Variants in NOL10 observed in about 807,000 individuals in gnomAD.
The protein encoded by NOL10 is nucleolar protein 10.
In NOL10, 58 loss-of-function variants were observed where a neutral mutation model predicts 103.5. The ratio of observed to expected loss-of-function variants is 0.56; its 90% CI spans 0.45 to 0.70. The LOEUF is 0.70. Ranked by LOEUF, NOL10 falls within the 30% of genes least tolerant of loss-of-function variation. The pLI, the probability that NOL10 is intolerant of heterozygous loss-of-function variation, is 0.00. For synonymous variants in NOL10, 287 were observed against 282.5 expected (o/e 1.02, Z -0.16); for missense variants, 763 against 807.3 (o/e 0.95, Z 0.67).
chr2:10,671,643 T>G lies in NOL10; in HGVS notation c.375A>C (p.Ser125=), dbSNP rs748220278. ...GTATTCTGGTTTTGTAGTAAAAACC[T>G]GATTGCGAATGAAATTCAATGTATC... The part of the protein sequence containing the change: ...NDRYIEFHSQ[S]GFYYKTRIPK... The change falls in exon 6 of 21, where the codon TCA becomes TCC. Residue 125 remains serine (S), a synonymous_variant. Transcript: ENST00000381685. 1.3e-6 allele frequency: 2 copies of G among 1,580,478 alleles called. No individual in the cohort carries two copies. The highest frequency in any genetic ancestry group is 2.3e-5 in the South Asian group (2 of 86,982).
At chr2:10,635,940 C>A (rs1282972157) in intron 13 of NOL10, among the ~76,000 whole-genome samples, 9 of 152,182 alleles carry the variant, frequency 5.9e-5, no homozygotes, top group African/African-American at 1.9e-4. Flanking sequence ...GGCTGGAGTG[C>A]GGTAGCACGA....
At chr2:10,616,292 G>A (rs1240051514) in intron 13 of NOL10, among the ~76,000 whole-genome samples, 5 of 145,100 alleles carry the variant, frequency 3.4e-5, no homozygotes, top group East Asian at 2.0e-4. Flanking sequence ...GCAGTGGTGC[G>A]ATCTCGGCTC....
rs77723934 is a variant in NOL10 at position 10,595,144 on chromosome 2, C to CAGAGAG, written c.1423-5399_1423-5394dup. ...GCAAGAGGGAGGGAGGGGGAGGGGG[C>CAGAGAG]AGAGAGAGAGAGAGAGAGAGAGAGA... On this transcript the variant is annotated intron_variant, in intron 17 of 20. Transcript: ENST00000381685. Among the ~76,000 whole-genome samples the CAGAGAG allele has an allele frequency of 3.6e-3, 451 of 124,220 alleles. 5 individuals are homozygous for CAGAGAG. The highest frequency in any genetic ancestry group is 9.4e-3 in the Middle Eastern group (2 of 212). The allele number at this position is 124,220 out of a possible 152,430, so 81.5% of individuals were successfully genotyped here.
At chr2:10,633,370 C>G (rs1181760122) in intron 13 of NOL10, among the ~76,000 whole-genome samples, 1 of 151,520 alleles carries the variant, frequency 6.6e-6, no homozygotes, top group Non-Finnish European at 1.5e-5. Flanking sequence ...TTTTAAATTT[C>G]TTATCTAATA....
intron 13 of NOL10, among the ~76,000 whole-genome samples, chr2:10,616,768 T>C (rs1362169274): frequency 6.6e-6 from 1 of 150,470 alleles, no homozygotes; most frequent in African/African-American, 2.4e-5. Context: ...AGGCTGGTCT[T>C]GAACTCCTGA....
rs539733755 is a variant in NOL10, at chr2:10,572,022, T to G, written c.*49A>C. ...GTTTAACACCCTAACGATGATCAGTTTGGGGGAGACGTACCCCTCCCTAAT... is the reference window on the plus strand; with the variant it reads ...GTTTAACACCCTAACGATGATCAGTGTGGGGGAGACGTACCCCTCCCTAAT... On this transcript the variant is annotated 3_prime_UTR_variant, in exon 21 of 21. Transcript: ENST00000381685. 1 of 1,604,580 alleles carries G rather than the reference T, an allele frequency of 6.2e-7. No individual in the cohort carries two copies. The highest frequency in any genetic ancestry group is 1.3e-5 in the African/African-American group (1 of 74,736).
intron 1 of NOL10, among the ~76,000 whole-genome samples, chr2:10,685,861 C>T (rs1045127424): frequency 6.6e-6 from 1 of 150,682 alleles, no homozygotes; most frequent in Non-Finnish European, 1.5e-5. Flanking sequence ...CCCAGGAGTT[C>T]GAGACCAGCC....
In NOL10 at chr2:10,602,364, G is replaced by C. The variant is rs571031874; in HGVS notation, c.1332+412C>G. The stretch of plus-strand genomic sequence containing the variant: ...ACATTAAATTCTATGTACTCAGACA[G>C]AGAGTGCAGTTTACGACTGTCGACC... On this transcript the variant is annotated intron_variant, in intron 16 of 20. Coordinates refer to ENST00000381685, the MANE Select transcript of NOL10 (RefSeq NM_024894.4). 2.0e-5 allele frequency among the ~76,000 whole-genome samples: 3 copies of C among 152,340 alleles called. No individual in the cohort carries two copies. In the South Asian group the frequency reaches 6.2e-4, roughly 32 times the overall value.
intron 12 of NOL10, among the ~76,000 whole-genome samples, chr2:10,650,209 T>C (rs915882979): frequency 1.3e-5 from 2 of 152,024 alleles, no homozygotes; most frequent in Non-Finnish European, 2.9e-5. Flanking sequence ...CAGGCAAGAG[T>C]ACAGTTAGTT....
At chr2:10,618,591 A>AT (rs1443631675) in intron 13 of NOL10, among the ~76,000 whole-genome samples, 14 of 152,056 alleles carry the variant, frequency 9.2e-5, no homozygotes, top group East Asian at 1.9e-4. Flanking sequence ...TTGTATTTTT[A>AT]TTTTTTTGTA....
At chr2:10,667,306 T>C (rs775666107) in intron 7 of NOL10, 28 bp from the exon 8 acceptor site, 4 of 1,504,350 alleles carry the variant, frequency 2.7e-6, no homozygotes, top group Non-Finnish European at 2.7e-6. Context: ...TAAGAAAGAA[T>C]GAATTAGTTA....
chr2:10,645,944 T>TACACACACAC lies in NOL10; in HGVS notation c.974-1582_974-1573dup, dbSNP rs57494359. 3.7e-3 allele frequency among the ~76,000 whole-genome samples: 549 copies of TACACACACAC among 147,674 alleles called. 3 individuals are homozygous for TACACACACAC. Among genetic ancestry groups the TACACACACAC allele is most frequent in the African/African-American group, 0.013 (507 of 40,422 alleles). ...TGCACACAAAACACACACACACACA[T>TACACACACAC]ACACACACACACACACACACACACC... is the stretch of plus-strand genomic sequence containing the variant. On this transcript the variant is annotated intron_variant, in intron 12 of 20. Coordinates refer to ENST00000381685, the MANE Select transcript of NOL10 (RefSeq NM_024894.4).
chr2:10,668,659 C>A lies in NOL10; in HGVS notation c.529G>T (p.Ala177Ser). 2 of 1,514,652 alleles carry A rather than the reference C, an allele frequency of 1.3e-6. No homozygotes were observed. Among genetic ancestry groups the A allele is most frequent in the Admixed American group, 3.7e-5 (2 of 53,920 alleles). 93.8% of individuals were successfully genotyped at this position (1,514,652 alleles called of 1,614,324 possible). ...RYLNPLQTDA[A>S]ENNVCDINSV... is the part of the protein sequence containing the mutation. The stretch of plus-strand genomic sequence containing the variant: ...AGCAGAATTACTAAAACTACTCACG[C>A]AGCATCAGTTTGTAGAGGATTCAGG... The change falls in exon 7 of 21, where the codon GCG becomes TCG. Residue 177 changes from alanine to serine, a missense_variant and splice_region_variant. Transcript: ENST00000381685.
chr2:10,681,838 C>T (rs1392829078), intron 3 of NOL10, 133 bp downstream of exon 3: 3 of 398,352 alleles, frequency 7.5e-6, no homozygotes, highest in African/African-American at 4.2e-5. Context: ...GTTTACTATA[C>T]AATTTTTTCA....
chr2:10,595,933 T>C (rs1675665378), intron 17 of NOL10, among the ~76,000 whole-genome samples: 1 of 152,138 alleles, frequency 6.6e-6, no homozygotes, highest in Admixed American at 6.5e-5. Context: ...CTGAAATGTT[T>C]AGTTTTTAAA....
chr2:10,673,550 G>T lies in NOL10; in HGVS notation c.297C>A (p.Thr99=). The change falls in exon 5 of 21, where the codon ACC becomes ACA. Residue 99 remains threonine (T), a synonymous_variant. Coordinates refer to ENST00000381685, the MANE Select transcript of NOL10 (RefSeq NM_024894.4). Reference sequence around the variant, plus strand: ...AGTAGTCATCAGACAAAATTTCAAAGGTGACAACTGAAAAACAAGAAATAG... The same window carrying T: ...AGTAGTCATCAGACAAAATTTCAAATGTGACAACTGAAAAACAAGAAATAG... ...FERCLDSEVV[T]FEILSDDYSK... The T allele has an allele frequency of 6.3e-7, 1 of 1,591,692 alleles. No homozygotes were observed. The highest frequency in any genetic ancestry group is 8.6e-7 in the Non-Finnish European group (1 of 1,166,938).
At position 10,683,490 on chromosome 2, in the gene NOL10, C is replaced by T. The variant is rs115445557; in HGVS notation, c.112+1077G>A. Among the ~76,000 whole-genome samples, 976 of 152,230 alleles carry T rather than the reference C, an allele frequency of 6.4e-3. 11 individuals carry two copies. Among genetic ancestry groups the T allele is most frequent in the African/African-American group, 0.021 (884 of 41,542 alleles). Reference sequence around the variant, plus strand: ...GATAAGATTTTGATACACAAGAGAGCAAAGCAATTAGGGACCTGTTAGGAG... The same window carrying T: ...GATAAGATTTTGATACACAAGAGAGTAAAGCAATTAGGGACCTGTTAGGAG... On this transcript the variant is annotated intron_variant, in intron 2 of 20. Coordinates refer to ENST00000381685, the MANE Select transcript of NOL10 (RefSeq NM_024894.4).
Position 10,671,574 on chromosome 2 carries a change from G to A in NOL10, c.444C>T (p.Asp148=). The A allele has an allele frequency of 4.4e-6, 7 of 1,606,704 alleles. No individual in the cohort carries two copies. The highest frequency in any genetic ancestry group is 5.9e-6 in the Non-Finnish European group (7 of 1,176,656). ...RDFSYHYPSC[D]LYFVGASSEV... ...AATACCTTGCACCAACAAAGTACAAGTCACAGGATGGATAGTGGTAAGAGA... is the reference window on the plus strand; with the variant it reads ...AATACCTTGCACCAACAAAGTACAAATCACAGGATGGATAGTGGTAAGAGA... Residue 148 remains aspartate, a synonymous_variant, in exon 6 of 21, where the codon GAC becomes GAT. Coordinates refer to ENST00000381685, the MANE Select transcript of NOL10 (RefSeq NM_024894.4).
At position 10,571,871 on chromosome 2, in the gene NOL10, G is replaced by A. The variant is rs1479472785; in HGVS notation, c.*200C>T. 1.6e-5 allele frequency: 9 copies of A among 565,674 alleles called. No individual in the cohort carries two copies. The East Asian group carries it at 2.1e-4, about 13-fold the overall frequency. The allele number at this position is 565,674 out of a possible 1,614,324, so 35.0% of individuals were successfully genotyped here. On this transcript the variant is annotated 3_prime_UTR_variant, in exon 21 of 21. Coordinates refer to ENST00000381685, the MANE Select transcript of NOL10 (RefSeq NM_024894.4). The stretch of plus-strand genomic sequence containing the variant: ...GCAACGACTCGCAAGCACACCCCTG[G>A]GGCTGTGCGGTGGCCGTCGGCGGGG...
Sources: gnomAD v4.1 joint callset for allele counts (sites outside exome capture counted in the v4.1 genomes callset) on GRCh38, gnomAD v4.1.1 for gene constraint, MANE v1.5 for transcripts, NCBI Gene and HGNC (gene_info 2026-07-23, HGNC 2026-07-21) for gene names.